Variants in ZNF407 observed in about 807,000 individuals in gnomAD.
The protein encoded by ZNF407 is zinc finger protein 407.
ZNF407 carries 17 observed loss-of-function variants against 131.2 expected under a neutral mutation model. That is an observed-to-expected ratio of 0.13 (90% CI 0.09 to 0.19). The LOEUF (loss-of-function observed/expected upper bound fraction) is 0.19. Ranked by LOEUF, ZNF407 falls within the 10% of genes least tolerant of loss-of-function variation. The probability of loss-of-function intolerance (pLI) is 1.00; values close to 1 mark genes in which losing one functional copy is unlikely to be tolerated. For missense variants in ZNF407, 2,681 were observed against 2,830.6 expected (o/e 0.95, Z 1.20); for synonymous variants, 1,156 against 1,062.0 (o/e 1.09, Z -1.72).
chr18:74,820,930 G>A (rs961194397), intron 4 of ZNF407, among the ~76,000 whole-genome samples: 5 of 152,080 alleles, frequency 3.3e-5, no homozygotes, highest in African/African-American at 9.7e-5. Context: ...ACTCTACAAC[G>A]TCTGGCTGAG....
At chr18:74,730,613 G>A (rs1343890940) in intron 3 of ZNF407, among the ~76,000 whole-genome samples, 1 of 151,994 alleles carries the variant, frequency 6.6e-6, no homozygotes, top group African/African-American at 2.4e-5. Context: ...CCCTTTAAGG[G>A]TATCTTGTTC....
chr18:74,926,549 A>G (rs1171198698), intron 8 of ZNF407, among the ~76,000 whole-genome samples: 2 of 152,192 alleles, frequency 1.3e-5, no homozygotes, highest in Non-Finnish European at 2.9e-5. Flanking sequence ...CACGCCTGTA[A>G]TCCCAGCACG....
In ZNF407 at chr18:75,059,007, T is replaced by C. The variant is rs143437684; in HGVS notation, c.5429-4143T>C. On this transcript the variant is annotated intron_variant, in intron 8 of 8. Coordinates refer to ENST00000299687, the MANE Select transcript of ZNF407 (RefSeq NM_017757.3). ...GTTATTAAATTGCTGAATCAAAAGA[T>C]GGACCCGCGCTCGCATTTATGAACT... 2.1e-3 allele frequency among the ~76,000 whole-genome samples: 314 copies of C among 152,324 alleles called. 7 individuals are homozygous for C. The highest frequency in any genetic ancestry group is 7.0e-3 in the African/African-American group (291 of 41,562).
intron 8 of ZNF407, among the ~76,000 whole-genome samples, chr18:75,042,126 C>T (rs1299253976): frequency 6.6e-6 from 1 of 151,078 alleles, no homozygotes; most frequent in African/African-American, 2.4e-5. Flanking sequence ...ATCTGGAACT[C>T]CTGGGCTCCA....
chr18:74,773,169 G>A (rs1969396731), intron 3 of ZNF407, among the ~76,000 whole-genome samples: 2 of 152,130 alleles, frequency 1.3e-5, no homozygotes, highest in African/African-American at 4.8e-5. Flanking sequence ...AAATATGAAT[G>A]TATATGAACA....
intron 4 of ZNF407, among the ~76,000 whole-genome samples, chr18:74,825,059 A>G (rs568928490): frequency 5.3e-5 from 8 of 152,228 alleles, no homozygotes; most frequent in Non-Finnish European, 1.0e-4. Flanking sequence ...AGTTCCAAAT[A>G]CACAAATCAA....
At position 74,961,327 on chromosome 18, in the gene ZNF407, C is replaced by T. The variant is rs114113627; in HGVS notation, c.5428+40635C>T. ...ATTTGAGATCAGTTGTCCAAGATCA[C>T]GGTGACCTAGCAGATCATGGTGACC... On this transcript the variant is annotated intron_variant, in intron 8 of 8. Transcript: ENST00000299687. Among the ~76,000 whole-genome samples the T allele has an allele frequency of 8.7e-3, 1,327 of 152,280 alleles. 15 individuals are homozygous for T. The highest frequency in any genetic ancestry group is 0.03 in the African/African-American group (1,241 of 41,534).
chr18:74,749,661 A>G (rs572915634), intron 3 of ZNF407, among the ~76,000 whole-genome samples: 1 of 152,324 alleles, frequency 6.6e-6, no homozygotes, highest in East Asian at 1.9e-4. Context: ...TTCAGAATTT[A>G]TTGGCTCCCG....
chr18:74,950,001 T>A (rs1972195842), intron 8 of ZNF407, among the ~76,000 whole-genome samples: 1 of 152,210 alleles, frequency 6.6e-6, no homozygotes, highest in Non-Finnish European at 1.5e-5. Context: ...CCATCCTGGC[T>A]AATATTGCCT....
chr18:74,671,896 A>G (rs554269250), intron 3 of ZNF407, among the ~76,000 whole-genome samples: 2 of 152,298 alleles, frequency 1.3e-5, no homozygotes, highest in East Asian at 1.9e-4. Flanking sequence ...CGTATTTATT[A>G]AAGGGTTAGC....
At chr18:74,920,959 G>T in intron 8 of ZNF407, 1 of 1,134,696 alleles carries the variant, frequency 8.8e-7, no homozygotes, top group South Asian at 4.4e-5. Flanking sequence ...AATATTTAAA[G>T]CATAGTTGAC....
At position 74,679,086 on chromosome 18, in the gene ZNF407, A is replaced by G. The variant is rs80019843; in HGVS notation, c.4802+37964A>G. ...TGGGGACTCAGCGGTTAAAAAAACCATACCCTCTTTTATTGTCAGCTAAAA... is the reference window on the plus strand; with the variant it reads ...TGGGGACTCAGCGGTTAAAAAAACCGTACCCTCTTTTATTGTCAGCTAAAA... On this transcript the variant is annotated intron_variant, in intron 3 of 8. Coordinates refer to ENST00000299687, the MANE Select transcript of ZNF407 (RefSeq NM_017757.3). 6.4e-3 allele frequency among the ~76,000 whole-genome samples: 968 copies of G among 152,306 alleles called. 7 individuals are homozygous for G. The highest frequency in any genetic ancestry group is 0.022 in the African/African-American group (905 of 41,556).
intron 8 of ZNF407, among the ~76,000 whole-genome samples, chr18:75,053,331 G>A (rs1382023205): frequency 2.0e-5 from 3 of 152,162 alleles, no homozygotes; most frequent in African/African-American, 7.2e-5. Context: ...CATTTGGATT[G>A]TGCTTTCTAA....
intron 3 of ZNF407, among the ~76,000 whole-genome samples, chr18:74,667,427 A>G (rs1599053785): frequency 1.3e-5 from 2 of 152,220 alleles, no homozygotes; most frequent in East Asian, 3.8e-4. Flanking sequence ...AGTCCCAGGT[A>G]CAGTGCTTTT....
At chr18:74,604,774 A>G (rs1982728985) in intron 1 of ZNF407, among the ~76,000 whole-genome samples, 2 of 152,210 alleles carry the variant, frequency 1.3e-5, no homozygotes, top group East Asian at 1.9e-4. Context: ...TACATACATC[A>G]TGTAATCCCC....
At chr18:74,680,080 C>T (rs1284593885) in intron 3 of ZNF407, among the ~76,000 whole-genome samples, 1 of 152,128 alleles carries the variant, frequency 6.6e-6, no homozygotes, top group Non-Finnish European at 1.5e-5. Context: ...TTCTCATTTA[C>T]ATTTTCATTC....
chr18:75,060,512 T>C (rs535639424), intron 8 of ZNF407, among the ~76,000 whole-genome samples: 4 of 144,120 alleles, frequency 2.8e-5, no homozygotes, highest in African/African-American at 1.0e-4. Context: ...TTTTTCTTTT[T>C]TTTTTTTTTT....
chr18:74,923,430 C>T (rs950082603), intron 8 of ZNF407, among the ~76,000 whole-genome samples: 59 of 151,706 alleles, frequency 3.9e-4, no homozygotes, highest in African/African-American at 1.4e-3. Flanking sequence ...TTTTTATGCC[C>T]AGCAAATGGT....
chr18:74,900,074 C>G (rs916298106), intron 7 of ZNF407, among the ~76,000 whole-genome samples: 2 of 152,120 alleles, frequency 1.3e-5, no homozygotes, highest in African/African-American at 4.8e-5. Context: ...TGTTTATGTG[C>G]CAAATGTTTA....
Sources: gnomAD v4.1 joint callset for allele counts (sites outside exome capture counted in the v4.1 genomes callset) on GRCh38, gnomAD v4.1.1 for gene constraint, MANE v1.5 for transcripts, NCBI Gene and HGNC (gene_info 2026-07-23, HGNC 2026-07-21) for gene names.